Variants in TRHDE observed in about 807,000 individuals in gnomAD.
The protein encoded by TRHDE is thyrotropin releasing hormone degrading enzyme, also known as thyrotropin-releasing hormone-degrading ectoenzyme.
A neutral mutation model predicts 125.7 loss-of-function variants in TRHDE; 72 were observed. That is an observed-to-expected ratio of 0.57 (90% CI 0.47 to 0.70). TRHDE has a LOEUF of 0.70. Among genes scored for constraint, TRHDE ranks in the 30% least tolerant of loss-of-function variants. TRHDE has a pLI of 0.00. For missense variants in TRHDE, 1,110 were observed against 1,327.1 expected (o/e 0.84, Z 2.54); for synonymous variants, 509 against 509.1 (o/e 1.00, Z 0.00).
intron 2 of TRHDE, among the ~76,000 whole-genome samples, chr12:72,301,533 G>A (rs1014316642): frequency 6.6e-6 from 1 of 152,168 alleles, no homozygotes; most frequent in African/African-American, 2.4e-5. Context: ...AGCACAGGCT[G>A]AACAGAGACA....
At chr12:72,242,348 C>T (rs1220322742) in intron 2 of TRHDE, among the ~76,000 whole-genome samples, 2 of 152,178 alleles carry the variant, frequency 1.3e-5, no homozygotes, top group African/African-American at 4.8e-5. Flanking sequence ...TTACCCTGCT[C>T]TGCCACATTT....
rs11179144 is a variant in TRHDE, at chr12:72,295,914, G to T, written c.1188+8960G>T. On this transcript the variant is annotated intron_variant, in intron 2 of 18. Transcript: ENST00000261180. ...AAAATAAATAGTAACAAAAGAGTTGGATTACAATCTATTTAGGAATGTAAG... is the reference window on the plus strand; with the variant it reads ...AAAATAAATAGTAACAAAAGAGTTGTATTACAATCTATTTAGGAATGTAAG... 6.6e-5 allele frequency among the ~76,000 whole-genome samples: 10 copies of T among 152,244 alleles called. No individual in the cohort carries two copies. In the East Asian group the frequency reaches 1.9e-3, roughly 29 times the overall value.
At chr12:72,208,182 C>T (rs1476725293) in intron 2 of TRHDE, among the ~76,000 whole-genome samples, 1 of 152,074 alleles carries the variant, frequency 6.6e-6, no homozygotes, top group Non-Finnish European at 1.5e-5. Flanking sequence ...CCACCCTCTG[C>T]CCTTTATACA....
intron 3 of TRHDE, among the ~76,000 whole-genome samples, chr12:72,386,507 A>G (rs1486952335): frequency 1.3e-5 from 2 of 151,694 alleles, no homozygotes; most frequent in African/African-American, 4.8e-5. Context: ...TGAATCTTCA[A>G]TTTTTTCTCT....
chr12:72,152,935 C>G (rs1007737206), intron 2 of TRHDE, among the ~76,000 whole-genome samples: 7 of 152,162 alleles, frequency 4.6e-5, no homozygotes, highest in African/African-American at 1.7e-4. Flanking sequence ...AGGATTCCCT[C>G]TTTTTCTATT....
intron 6 of TRHDE, 83 bp downstream of exon 6, chr12:72,499,718 CT>C (rs1878069189): frequency 6.7e-7 from 1 of 1,502,756 alleles, no homozygotes; most frequent in Non-Finnish European, 9.0e-7. Flanking sequence ...ATGTATTTTT[CT>C]TTTTTTCCGG....
chr12:72,644,445 A>AT (rs1045469405), intron 15 of TRHDE, among the ~76,000 whole-genome samples: 3 of 151,716 alleles, frequency 2.0e-5, no homozygotes, highest in East Asian at 3.9e-4. Flanking sequence ...GAGATGCCAT[A>AT]TTTTTTTTTC....
At position 72,121,371 on chromosome 12, in the gene TRHDE, G is replaced by A. The variant is rs377009280; in HGVS notation, n.279+15619G>A. Among the ~76,000 whole-genome samples, 34 of 152,270 alleles carry A rather than the reference G, an allele frequency of 2.2e-4. No individual in the cohort carries two copies. The East Asian group carries it at 4.1e-3, about 18-fold the overall frequency. On this transcript the variant is annotated intron_variant and non_coding_transcript_variant, in intron 2 of 4. Coordinates refer to the TRHDE transcript ENST00000548156. The stretch of plus-strand genomic sequence containing the variant: ...GAGCACTTCAGCTCATAGTGGCAGC[G>A]CTTTCTGGAACTCAGGTTCCAACTA...
chr12:72,643,868 T>TA (rs569823039), intron 15 of TRHDE, among the ~76,000 whole-genome samples: 290 of 152,232 alleles, frequency 1.9e-3, no homozygotes, highest in Admixed American at 6.0e-3. Context: ...TGTGGATTTT[T>TA]AAAAAAAGTA....
chr12:72,649,381 T>C (rs1289079079), intron 15 of TRHDE, among the ~76,000 whole-genome samples: 1 of 151,844 alleles, frequency 6.6e-6, no homozygotes, highest in Non-Finnish European at 1.5e-5. Context: ...TTGTTTTATA[T>C]ACCGTACACA....
chr12:72,288,979 CTTAT>C (rs1444393190), intron 2 of TRHDE, among the ~76,000 whole-genome samples: 4 of 152,238 alleles, frequency 2.6e-5, no homozygotes, highest in African/African-American at 9.6e-5. Context: ...GTTGGGAGCT[CTTAT>C]TTATCAACTG....
At chr12:72,182,288 C>T (rs1877110210) in intron 2 of TRHDE, among the ~76,000 whole-genome samples, 1 of 152,168 alleles carries the variant, frequency 6.6e-6, no homozygotes. Context: ...TTGATTTAAA[C>T]TGAACCAGTT....
chr12:72,237,219 C>T (rs1209362335), intron 2 of TRHDE, among the ~76,000 whole-genome samples: 1 of 151,980 alleles, frequency 6.6e-6, no homozygotes, highest in Non-Finnish European at 1.5e-5. Flanking sequence ...TAACATTCAC[C>T]AAAGATAAAT....
intron 12 of TRHDE, among the ~76,000 whole-genome samples, chr12:72,578,751 CTTG>C (rs1208225590): frequency 2.6e-5 from 4 of 152,078 alleles, no homozygotes; most frequent in African/African-American, 7.2e-5. Flanking sequence ...TATGCCACGA[CTTG>C]TTGTGAGATT....
chr12:72,340,853 A>G (rs1223938850), intron 2 of TRHDE, among the ~76,000 whole-genome samples: 1 of 152,182 alleles, frequency 6.6e-6, no homozygotes, highest in Non-Finnish European at 1.5e-5. Context: ...CTACATATGA[A>G]GTTAAAAATA....
At chr12:72,134,576 AT>A (rs759452553) in intron 2 of TRHDE, among the ~76,000 whole-genome samples, 2 of 151,322 alleles carry the variant, frequency 1.3e-5, no homozygotes, top group East Asian at 1.9e-4. Context: ...TGTATAGTAT[AT>A]TTTTTTTTCT....
intron 12 of TRHDE, among the ~76,000 whole-genome samples, chr12:72,593,315 T>C (rs547076137): frequency 1.3e-5 from 2 of 152,286 alleles, no homozygotes; most frequent in East Asian, 3.9e-4. Flanking sequence ...GTAAACTTGT[T>C]TGCACAACTT....
In TRHDE at chr12:72,138,253, TAG is replaced by T. The variant is rs569024614; in HGVS notation, n.279+32502_279+32503del. 7.4e-4 allele frequency among the ~76,000 whole-genome samples: 112 copies of T among 152,172 alleles called. No homozygotes were observed. The East Asian group carries it at 0.013, about 17-fold the overall frequency. The stretch of plus-strand genomic sequence containing the variant: ...AGCCACACGTGGTGGTACGCACCTG[TAG>T]TGCCAGCTACTCCGGAGGCTGAGGC... On this transcript the variant is annotated intron_variant and non_coding_transcript_variant, in intron 2 of 4. Coordinates refer to the TRHDE transcript ENST00000548156.
intron 15 of TRHDE, among the ~76,000 whole-genome samples, chr12:72,635,856 A>G (rs1481073535): frequency 2.8e-4 from 42 of 152,200 alleles, no homozygotes; most frequent in African/African-American, 9.6e-4. Context: ...TGTTCCATTG[A>G]TCTATATCTC....
Sources: allele counts gnomAD v4.1 joint callset (sites outside exome capture counted in the v4.1 genomes callset), GRCh38; gene constraint gnomAD v4.1.1; transcripts MANE v1.5; gene names NCBI Gene and HGNC (gene_info 2026-07-23, HGNC 2026-07-21).